The following TPRG1 variants were observed in gnomAD, a reference collection of about 807,000 sequenced individuals.
TPRG1 encodes tumor protein p63 regulated 1.
In TPRG1, 29 loss-of-function variants were observed where a neutral mutation model predicts 29.3. The observed-to-expected ratio is 0.99, with a 90% CI of 0.74 to 1.35. TPRG1 has a LOEUF of 1.35. Among genes scored for constraint, TPRG1 ranks in the 40% most tolerant of loss-of-function variants. TPRG1 has a pLI of 0.00. For synonymous variants in TPRG1, 130 were observed against 116.8 expected, an observed-to-expected ratio of 1.11 and a Z score of -0.73; for missense variants, 327 against 335.0, an observed-to-expected ratio of 0.98 and a Z score of 0.19.
intron 4 of TPRG1, among the ~76,000 whole-genome samples, chr3:189,039,782 G>T (rs367817804): frequency 6.6e-6 from 1 of 151,702 alleles, no homozygotes; most frequent in South Asian, 2.1e-4. Context: ...GGTGAAGCTT[G>T]TCTTAATTCA....
Position 189,137,141 on chromosome 3 carries a change from C to T in TPRG1, c.-291+4444C>T, listed in dbSNP as rs1006805541. Among the ~76,000 whole-genome samples, 11 of 152,248 alleles carry T rather than the reference C, an allele frequency of 7.2e-5. No individual in the cohort carries two copies. In the South Asian group the frequency reaches 8.3e-4, roughly 12 times the overall value. On this transcript the variant is annotated intron_variant, in intron 3 of 6. Transcript: ENST00000412373. ...TGAATCCAAGACTGTGATTTTGCCA[C>T]GCCTGCTTTGCAATCATTGGGAAAT...
intron 1 of TPRG1, among the ~76,000 whole-genome samples, chr3:189,197,368 A>G (rs778658105): frequency 6.6e-6 from 1 of 151,926 alleles, no homozygotes; most frequent in African/African-American, 2.4e-5. Flanking sequence ...GTGTTGCTCT[A>G]TCCTGTCTTT....
intron 4 of TPRG1, among the ~76,000 whole-genome samples, chr3:189,298,507 C>A (rs991850263): frequency 2.6e-5 from 4 of 152,308 alleles, no homozygotes. Context: ...GAGATTTGAA[C>A]TCAGATCTGC....
At chr3:189,234,611 C>T (rs938391863) in intron 3 of TPRG1, among the ~76,000 whole-genome samples, 1 of 152,158 alleles carries the variant, frequency 6.6e-6, no homozygotes, top group Non-Finnish European at 1.5e-5. Context: ...AAGTCGGGTT[C>T]CCCAAACAGC....
rs1724498652 is a variant in TPRG1 at position 189,323,671 on chromosome 3, T to C, written c.*2851T>C. ...ACAGGGAGCCACAACCCAGGGGACC[T>C]ATGTGTACACTTGGAGTTTTTATCA... On this transcript the variant is annotated 3_prime_UTR_variant, in exon 6 of 6. Transcript: ENST00000345063. 2 of 152,136 alleles carry C rather than the reference T, an allele frequency of 1.3e-5. No homozygotes were observed. The highest frequency in any genetic ancestry group is 2.9e-5 in the Non-Finnish European group (2 of 68,016). 9.4% of individuals were successfully genotyped at this position (152,136 alleles called of 1,614,324 possible). A position where few individuals can be genotyped will look rare whatever the true frequency, so the allele number is the denominator to read the frequency against.
intron 4 of TPRG1, among the ~76,000 whole-genome samples, chr3:189,249,998 T>C (rs915428759): frequency 6.6e-6 from 1 of 152,300 alleles, no homozygotes; most frequent in Non-Finnish European, 1.5e-5. Flanking sequence ...ATCATTCCCA[T>C]AAAATCCCAC....
chr3:189,084,294 A>G (rs1047416384), intron 4 of TPRG1, among the ~76,000 whole-genome samples: 1 of 152,238 alleles, frequency 6.6e-6, no homozygotes, highest in African/African-American at 2.4e-5. Context: ...GTGGCTTTAT[A>G]AAGTACCAAT....
chr3:189,015,296 A>C (rs1271020259), intron 3 of TPRG1, among the ~76,000 whole-genome samples: 1 of 152,212 alleles, frequency 6.6e-6, no homozygotes, highest in African/African-American at 2.4e-5. Context: ...AAAACATTCA[A>C]GATGTGGCAT....
At chr3:189,002,718 C>T (rs1398640100) in intron 2 of TPRG1, among the ~76,000 whole-genome samples, 1 of 152,088 alleles carries the variant, frequency 6.6e-6, no homozygotes, top group Non-Finnish European at 1.5e-5. Context: ...GCAGACATGA[C>T]CTTTCATCTG....
chr3:189,262,126 T>C (rs762434251), intron 4 of TPRG1, among the ~76,000 whole-genome samples: 6 of 151,974 alleles, frequency 3.9e-5, no homozygotes, highest in Non-Finnish European at 8.8e-5. Flanking sequence ...AATTCTGTCA[T>C]AGTAGAGTTG....
intron 3 of TPRG1, among the ~76,000 whole-genome samples, chr3:189,147,232 A>G (rs1320693006): frequency 6.6e-6 from 1 of 152,208 alleles, no homozygotes; most frequent in East Asian, 1.9e-4. Flanking sequence ...GAATTAAAAG[A>G]GACTTGCTTA....
At chr3:189,033,888 TAAAAG>T (rs943556392) in intron 4 of TPRG1, among the ~76,000 whole-genome samples, 1 of 151,662 alleles carries the variant, frequency 6.6e-6, no homozygotes, top group Non-Finnish European at 1.5e-5. Flanking sequence ...CTCCTCTTAA[TAAAAG>T]AAAAAAGGTA....
chr3:189,240,933 T>C (rs1294226628), intron 4 of TPRG1, among the ~76,000 whole-genome samples: 1 of 152,220 alleles, frequency 6.6e-6, no homozygotes, highest in Non-Finnish European at 1.5e-5. Flanking sequence ...TAATCATCTA[T>C]AGATCAATCT....
chr3:189,082,851 C>T (rs1007405116), intron 4 of TPRG1, among the ~76,000 whole-genome samples: 55 of 152,316 alleles, frequency 3.6e-4, no homozygotes, highest in African/African-American at 1.3e-3. Flanking sequence ...TACATTTACT[C>T]ATGCACACTC....
rs887128353 is a variant in TPRG1, at chr3:189,013,993, G to A, written c.-660+9233G>A. ...TGTCTTTTCATTGGGGGCCCATGTC[G>A]TCTTCTTACATTTAAGGTTAGTATT... On this transcript the variant is annotated intron_variant, in intron 3 of 10. Transcript: ENST00000433971. 7.9e-5 allele frequency among the ~76,000 whole-genome samples: 12 copies of A among 152,196 alleles called. No individual in the cohort carries two copies. The East Asian group carries it at 1.2e-3, about 15-fold the overall frequency.
At chr3:189,015,201 T>C (rs1712863122) in intron 3 of TPRG1, among the ~76,000 whole-genome samples, 2 of 152,188 alleles carry the variant, frequency 1.3e-5, no homozygotes, top group South Asian at 4.1e-4. Flanking sequence ...ACTGGTGGCA[T>C]TGTGCCCCTG....
chr3:189,007,035 A>G (rs1712327404), intron 3 of TPRG1, among the ~76,000 whole-genome samples: 1 of 152,058 alleles, frequency 6.6e-6, no homozygotes, highest in Non-Finnish European at 1.5e-5. Context: ...CAAAAGACAA[A>G]ATTGACAAAT....
intron 4 of TPRG1, among the ~76,000 whole-genome samples, chr3:189,055,574 T>C (rs1715613839): frequency 6.6e-6 from 1 of 152,172 alleles, no homozygotes; most frequent in African/African-American, 2.4e-5. Context: ...AAACTCTCCA[T>C]CTTCCTGACC....
intron 4 of TPRG1, among the ~76,000 whole-genome samples, chr3:189,077,156 G>A (rs183873570): frequency 1.6e-3 from 249 of 152,068 alleles, no homozygotes; most frequent in African/African-American, 5.7e-3. Context: ...TGTACTCCAT[G>A]GCTGTTCCAC....
Sources: allele counts gnomAD v4.1 joint callset (sites outside exome capture counted in the v4.1 genomes callset), GRCh38; gene constraint gnomAD v4.1.1; transcripts MANE v1.5; gene names NCBI Gene and HGNC (gene_info 2026-07-23, HGNC 2026-07-21).